The following ZBBX variants were observed in gnomAD, a reference collection of about 807,000 sequenced individuals.
The protein encoded by ZBBX is zinc finger B-box domain-containing protein 1.
ZBBX carries 101 observed loss-of-function variants against 108.5 expected under a neutral mutation model. The ratio of observed to expected loss-of-function variants is 0.93; its 90% CI spans 0.79 to 1.10. The LOEUF (loss-of-function observed/expected upper bound fraction) is 1.10, where lower values mean the gene tolerates loss of function less well. Ranked by LOEUF, ZBBX falls within the 50% of genes least tolerant of loss-of-function variation. ZBBX has a pLI of 0.00. For synonymous variants in ZBBX, 356 were observed against 323.4 expected (o/e 1.10, Z -1.08); for missense variants, 1,009 against 941.4 (o/e 1.07, Z -0.94).
Position 167,373,767 on chromosome 3 carries a change from G to A in ZBBX, c.-111C>T, listed in dbSNP as rs958045722. 4 of 152,198 alleles carry A rather than the reference G, an allele frequency of 2.6e-5. No homozygotes were observed. The highest frequency in any genetic ancestry group is 4.4e-5 in the Non-Finnish European group (3 of 68,044). 9.4% of individuals were successfully genotyped at this position (152,198 alleles called of 1,614,324 possible). A position where few individuals can be genotyped will look rare whatever the true frequency, so the allele number is the denominator to read the frequency against. On this transcript the variant is annotated 5_prime_UTR_variant, in exon 3 of 22. Coordinates refer to ENST00000675490, the MANE Select transcript of ZBBX (RefSeq NM_001199201.2). ...TCACATTGAGCAGGCTGAGGAAGAC[G>A]AAGATGAAGAGGAGTTGGTCCTGTC...
the ZBBX span, among the ~76,000 whole-genome samples, chr3:167,204,171 C>A: frequency 1.3e-5 from 2 of 149,336 alleles, no homozygotes; most frequent in Admixed American, 1.3e-4. Context: ...GTTTATAATG[C>A]AGAAGAAAAA....
At chr3:167,382,051 C>T (rs1004451561), upstream of ZBBX, among the ~76,000 whole-genome samples, 9 of 152,132 alleles carry the variant, frequency 5.9e-5, no homozygotes, top group Admixed American at 5.2e-4. Flanking sequence ...CTCCTCACTT[C>T]TACAAAGGAC....
chr3:167,383,845 G>C (rs1490467761), upstream of ZBBX, among the ~76,000 whole-genome samples: 1 of 152,086 alleles, frequency 6.6e-6, no homozygotes, highest in East Asian at 1.9e-4. Flanking sequence ...CTCTGTCCTT[G>C]AGTAATTCAA....
chr3:167,271,022 G>A (rs2108471255), intron 20 of ZBBX, among the ~76,000 whole-genome samples: 1 of 152,340 alleles, frequency 6.6e-6, no homozygotes, highest in South Asian at 2.1e-4. Context: ...TGGGTATTCA[G>A]TAATTGATGG....
chr3:167,246,966 A>T (rs999235638), intron 20 of ZBBX, among the ~76,000 whole-genome samples: 1 of 152,232 alleles, frequency 6.6e-6, no homozygotes, highest in African/African-American at 2.4e-5. Flanking sequence ...TTTACCAAGA[A>T]CATCTTACTG....
intron 18 of ZBBX, among the ~76,000 whole-genome samples, chr3:167,296,265 G>T (rs559872502): frequency 7.9e-5 from 12 of 152,126 alleles, no homozygotes; most frequent in South Asian, 2.1e-4. Context: ...CACAATAAAA[G>T]TAATATGCTA....
chr3:167,364,824 T>C (rs1745085666), intron 6 of ZBBX, among the ~76,000 whole-genome samples: 1 of 151,936 alleles, frequency 6.6e-6, no homozygotes, highest in Non-Finnish European at 1.5e-5. Flanking sequence ...ACTTCAACTA[T>C]CACTTGAAAA....
At chr3:167,266,263 T>C (rs1254006868) in intron 20 of ZBBX, among the ~76,000 whole-genome samples, 2 of 152,222 alleles carry the variant, frequency 1.3e-5, no homozygotes, top group African/African-American at 2.4e-5. Flanking sequence ...GCCAATATTC[T>C]ACTTTTTTTG....
the ZBBX span, among the ~76,000 whole-genome samples, chr3:167,224,488 T>C: frequency 6.6e-6 from 1 of 151,944 alleles, no homozygotes; most frequent in African/African-American, 2.4e-5. Flanking sequence ...GTATGATAAC[T>C]ATGTGAGGTA....
At chr3:167,188,814 G>A in the ZBBX span, among the ~76,000 whole-genome samples, 1 of 152,180 alleles carries the variant, frequency 6.6e-6, no homozygotes, top group Non-Finnish European at 1.5e-5. Context: ...AAACAAACCT[G>A]TGGTGGAAAA....
chr3:167,369,270 A>G (rs973810813), intron 4 of ZBBX, among the ~76,000 whole-genome samples: 6 of 152,220 alleles, frequency 3.9e-5, no homozygotes, highest in African/African-American at 1.4e-4. Flanking sequence ...AGCTTTTACT[A>G]TTGTAAGTCC....
At chr3:167,374,373 A>G (rs1017175502) in intron 2 of ZBBX, among the ~76,000 whole-genome samples, 1 of 152,192 alleles carries the variant, frequency 6.6e-6, no homozygotes, top group Non-Finnish European at 1.5e-5. Context: ...AAGTATCCCA[A>G]TTATTCATGG....
chr3:167,197,250 A>ACTCCTT, the ZBBX span, among the ~76,000 whole-genome samples: 1 of 152,180 alleles, frequency 6.6e-6, no homozygotes, highest in South Asian at 2.1e-4. Context: ...TAAGAATTTA[A>ACTCCTT]AATGTAGGCT....
the ZBBX span, among the ~76,000 whole-genome samples, chr3:167,202,878 T>G: frequency 6.6e-6 from 1 of 152,112 alleles, no homozygotes; most frequent in African/African-American, 2.4e-5. Flanking sequence ...TTTCATTAAT[T>G]CTCAACTTCG....
At chr3:167,391,868 T>C (rs994859971) in intron 1 of ZBBX, among the ~76,000 whole-genome samples, 3 of 151,726 alleles carry the variant, frequency 2.0e-5, no homozygotes, top group African/African-American at 7.2e-5. Context: ...TGTAGATAAA[T>C]CAAGTAAATA....
intron 16 of ZBBX, among the ~76,000 whole-genome samples, chr3:167,311,064 T>A (rs2108263054): frequency 6.6e-6 from 1 of 152,102 alleles, no homozygotes; most frequent in East Asian, 1.9e-4. Flanking sequence ...TTACTATAAA[T>A]CTATAACAAT....
chr3:167,259,413 G>A (rs1237476179), intron 20 of ZBBX, among the ~76,000 whole-genome samples: 4 of 151,794 alleles, frequency 2.6e-5, no homozygotes, highest in Non-Finnish European at 5.9e-5. Context: ...TTATCTTTTC[G>A]AAGAACCACC....
the ZBBX span, among the ~76,000 whole-genome samples, chr3:167,219,614 T>C: frequency 1.3e-4 from 19 of 151,836 alleles, no homozygotes; most frequent in Non-Finnish European, 2.7e-4. Flanking sequence ...ACATATTAGA[T>C]ACAGCAAAGG....
At chr3:167,184,799 C>A in the ZBBX span, among the ~76,000 whole-genome samples, 1 of 152,074 alleles carries the variant, frequency 6.6e-6, no homozygotes, top group South Asian at 2.1e-4. Context: ...TAATACAGCC[C>A]ATAAAAGTAG....
Sources: allele counts gnomAD v4.1 joint callset (sites outside exome capture counted in the v4.1 genomes callset), GRCh38; gene constraint gnomAD v4.1.1; transcripts MANE v1.5; gene names NCBI Gene and HGNC (gene_info 2026-07-23, HGNC 2026-07-21).